ZDHHC4: variants seen among roughly 807,000 people sequenced by gnomAD.
ZDHHC4 encodes palmitoyltransferase ZDHHC4.
A neutral mutation model predicts 36.7 loss-of-function variants in ZDHHC4; 42 were observed. That is an observed-to-expected ratio of 1.14 (90% CI 0.89 to 1.48). The LOEUF is 1.48. Among genes scored for constraint, ZDHHC4 ranks in the 40% most tolerant of loss-of-function variants. The pLI is 0.00. For synonymous variants in ZDHHC4, 189 were observed against 166.6 expected, an observed-to-expected ratio of 1.13 and a Z score of -1.03; for missense variants, 457 against 421.5, an observed-to-expected ratio of 1.08 and a Z score of -0.74.
At chr7:6,585,359 C>T in intron 7 of ZDHHC4, 99 bp downstream of exon 7, 2 of 1,496,990 alleles carry the variant, frequency 1.3e-6, no homozygotes, top group South Asian at 1.3e-5. Context: ...TGTGGTGGCT[C>T]ACGCCTATAA....
At chr7:6,584,858 T>G (rs1425686899) in intron 6 of ZDHHC4, 158 bp from the exon 7 acceptor site, 5 of 1,074,038 alleles carry the variant, frequency 4.7e-6, no homozygotes, top group Non-Finnish European at 6.6e-6. Context: ...GCTCCTGTAC[T>G]GGACACCACA....
chr7:6,578,922 T>C (rs548761215), intron 2 of ZDHHC4, among the ~76,000 whole-genome samples: 2 of 152,176 alleles, frequency 1.3e-5, no homozygotes, highest in East Asian at 3.9e-4. Flanking sequence ...CGCCCAGGCT[T>C]GAACTCCTGT....
intron 1 of ZDHHC4, 23 bp downstream of exon 1, chr7:6,577,521 G>A (rs896933574): frequency 6.6e-6 from 1 of 152,262 alleles, no homozygotes; most frequent in African/African-American, 2.4e-5. Flanking sequence ...CCGCGGGGCT[G>A]TGGGAAGCTT....
intron 7 of ZDHHC4, among the ~76,000 whole-genome samples, chr7:6,587,805 A>G (rs561833206): frequency 6.6e-6 from 1 of 152,356 alleles, no homozygotes; most frequent in Admixed American, 6.5e-5. Context: ...GGATCACTCA[A>G]GGCCAGGAGT....
At chr7:6,580,120 A>C (rs935465391) in intron 2 of ZDHHC4, among the ~76,000 whole-genome samples, 3 of 151,822 alleles carry the variant, frequency 2.0e-5, no homozygotes. Flanking sequence ...GGGTAACAAG[A>C]GTGAAACTCT....
chr7:6,577,545 A>G (rs1176677919), intron 1 of ZDHHC4, 47 bp downstream of exon 1: 1 of 152,228 alleles, frequency 6.6e-6, no homozygotes, highest in Non-Finnish European at 1.5e-5. Flanking sequence ...CTGTCCCAGG[A>G]CCGTCAGTCT....
At chr7:6,588,002 A>G (rs1781357282) in intron 7 of ZDHHC4, among the ~76,000 whole-genome samples, 1 of 152,162 alleles carries the variant, frequency 6.6e-6, no homozygotes, top group African/African-American at 2.4e-5. Context: ...AGTAGCTGGG[A>G]TTACAGGCTT....
chr7:6,577,540 C>T (rs1007557517), intron 1 of ZDHHC4, 42 bp downstream of exon 1: 1 of 152,232 alleles, frequency 6.6e-6, no homozygotes, highest in Non-Finnish European at 1.5e-5. Context: ...TTGGGCTGTC[C>T]CAGGACCGTC....
chr7:6,580,594 G>A lies in ZDHHC4; in HGVS notation c.33G>A (p.Leu11=), dbSNP rs1221421599. Reference sequence around the variant, plus strand: ...TTCTGGTCCTCTTCTTGTTCTACCTGGCTTCGGTGCTGATGGGTCTTGTTC... The same window carrying A: ...TTCTGGTCCTCTTCTTGTTCTACCTAGCTTCGGTGCTGATGGGTCTTGTTC... MDFLVLFLFY[L]ASVLMGLVLI... The change falls in exon 3 of 8, where the codon CTG becomes CTA. Residue 11 remains leucine (L), a synonymous_variant. Transcript: ENST00000335965. 1.9e-6 allele frequency: 3 copies of A among 1,614,008 alleles called. No homozygotes were observed. Among genetic ancestry groups the A allele is most frequent in the Non-Finnish European group, 2.5e-6 (3 of 1,180,032 alleles).
intron 2 of ZDHHC4, among the ~76,000 whole-genome samples, chr7:6,580,157 CTTTTTTTA>C (rs1376504536): frequency 2.0e-5 from 3 of 151,832 alleles, no homozygotes; most frequent in Non-Finnish European, 2.9e-5. Context: ...GTTTATCTTT[CTTTTTTTA>C]TTTTTTATTT....
chr7:6,588,104 A>G (rs1410973418), intron 7 of ZDHHC4, among the ~76,000 whole-genome samples: 2 of 152,250 alleles, frequency 1.3e-5, no homozygotes, highest in Admixed American at 1.3e-4. Context: ...ACCTCAAGTG[A>G]TCTGCCCGCC....
At chr7:6,582,404 T>A in intron 5 of ZDHHC4, 153 bp downstream of exon 5, 1 of 762,588 alleles carries the variant, frequency 1.3e-6, no homozygotes. Flanking sequence ...TTCTAATTTT[T>A]TTTTTCTTCT....
At position 6,589,124 on chromosome 7, in the gene ZDHHC4, G is replaced by A; in HGVS notation, c.*214G>A. ...ATCTCTGAAGTCCTGGTGTCAAGGG[G>A]ATCAAGAGATGACTTCTCAGAGGTT... is the stretch of plus-strand genomic sequence containing the variant. On this transcript the variant is annotated 3_prime_UTR_variant, in exon 8 of 8. Coordinates refer to ENST00000335965, the MANE Select transcript of ZDHHC4 (RefSeq NM_001134389.2). 1 of 574,258 alleles carries A rather than the reference G, an allele frequency of 1.7e-6. No homozygotes were observed. Among genetic ancestry groups the A allele is most frequent in the Non-Finnish European group, 3.1e-6 (1 of 327,570 alleles). The allele number at this position is 574,258 out of a possible 1,614,324, so 35.6% of individuals were successfully genotyped here.
chr7:6,578,282 C>A (rs1780583088), intron 1 of ZDHHC4, among the ~76,000 whole-genome samples: 2 of 151,992 alleles, frequency 1.3e-5, no homozygotes, highest in Admixed American at 1.3e-4. Context: ...CGCGGGCCAC[C>A]ACGCCCCACT....
chr7:6,582,118 T>C lies in ZDHHC4; in HGVS notation c.237T>C (p.Val79=). Residue 79 remains valine, a synonymous_variant, in exon 5 of 8, where the codon GTT becomes GTC. Coordinates refer to ENST00000335965, the MANE Select transcript of ZDHHC4 (RefSeq NM_001134389.2). ...IVLHLVLQGM[V]YTEYTWEVFG... is the part of the protein sequence containing the mutation. ...TGCACCTGGTCTTGCAAGGGATGGTTTATACTGAGTACACCTGGGAAGTAT... is the reference window on the plus strand; with the variant it reads ...TGCACCTGGTCTTGCAAGGGATGGTCTATACTGAGTACACCTGGGAAGTAT... 6.2e-7 allele frequency: 1 copy of C among 1,614,184 alleles called. No individual in the cohort carries two copies. The highest frequency in any genetic ancestry group is 1.6e-4 in the Middle Eastern group (1 of 6,062).
chr7:6,579,165 G>T (rs1345136803), intron 2 of ZDHHC4, among the ~76,000 whole-genome samples: 2 of 147,840 alleles, frequency 1.4e-5, no homozygotes, highest in Non-Finnish European at 3.0e-5. Flanking sequence ...TTCTTAAACC[G>T]CTACACTATG....
intron 3 of ZDHHC4, 69 bp downstream of exon 3, chr7:6,580,747 C>G: frequency 4.0e-6 from 6 of 1,490,720 alleles, no homozygotes; most frequent in Non-Finnish European, 4.7e-6. Flanking sequence ...ACAGGTTTTG[C>G]TACAGGACAA....
chr7:6,588,822 G>A lies in ZDHHC4; in HGVS notation c.947G>A (p.Arg316Gln), dbSNP rs752663079. 24 of 1,614,124 alleles carry A rather than the reference G, an allele frequency of 1.5e-5. No individual in the cohort carries two copies. The highest frequency in any genetic ancestry group is 4.5e-5 in the East Asian group (2 of 44,876). Residue 316 changes from arginine to glutamine, a missense_variant, in exon 8 of 8, where the codon CGG (arginine) becomes CAG (glutamine). Arg to Gln is a conservative substitution (Grantham distance 43). Coordinates refer to ENST00000335965, the MANE Select transcript of ZDHHC4 (RefSeq NM_001134389.2). ...CCGTCAGCAGAGCCCCAAGTCCACC[G>A]GAACATTCACTCCCATGGGCTTCGG... ...WPPSAEPQVH[R>Q]NIHSHGLRSN... is the part of the protein sequence containing the mutation.
At chr7:6,583,918 A>G (rs1781045951) in intron 6 of ZDHHC4, 1 of 152,982 alleles carries the variant, frequency 6.5e-6, no homozygotes, top group African/African-American at 2.4e-5. Flanking sequence ...AAAAAATACA[A>G]AAGATGTAGT....
Sources: allele counts gnomAD v4.1 joint callset (sites outside exome capture counted in the v4.1 genomes callset), GRCh38; gene constraint gnomAD v4.1.1; transcripts MANE v1.5; gene names NCBI Gene and HGNC (gene_info 2026-07-23, HGNC 2026-07-21).